The following AFMID variants were observed in gnomAD, a reference collection of about 807,000 sequenced individuals.
The protein encoded by AFMID is arylformamidase, also known as kynurenine formamidase.
Under a neutral mutation model 47.5 loss-of-function variants are expected in AFMID, and 39 were observed. The observed-to-expected ratio is 0.82, with a 90% CI of 0.64 to 1.07. The LOEUF is 1.07. Among genes scored for constraint, AFMID ranks in the 50% least tolerant of loss-of-function variants. The pLI is 0.00. For synonymous variants in AFMID, 130 were observed against 153.2 expected (o/e 0.85, Z 1.12); for missense variants, 375 against 387.5 (o/e 0.97, Z 0.27).
intron 2 of AFMID, among the ~76,000 whole-genome samples, chr17:78,201,101 A>G (rs1228128390): frequency 6.6e-6 from 1 of 151,656 alleles, no homozygotes; most frequent in Non-Finnish European, 1.5e-5. Context: ...GGTTCAAGTA[A>G]TCCTCCCACT....
At chr17:78,199,429 G>T (rs185267526) in intron 2 of AFMID, among the ~76,000 whole-genome samples, 2 of 150,372 alleles carry the variant, frequency 1.3e-5, no homozygotes, top group Admixed American at 1.3e-4. Context: ...AGGCTGGAGT[G>T]CAGTGGTGCA....
At chr17:78,202,958 G>A in intron 4 of AFMID, 1 of 626,016 alleles carries the variant, frequency 1.6e-6, no homozygotes, top group Non-Finnish European at 2.8e-6. Flanking sequence ...AGCTTCTGGT[G>A]GCCTTAGACA....
At chr17:78,188,524 A>G (rs189372012) in intron 1 of AFMID, among the ~76,000 whole-genome samples, 1 of 151,796 alleles carries the variant, frequency 6.6e-6, no homozygotes, top group African/African-American at 2.4e-5. Flanking sequence ...GGTTCAAGTG[A>G]TTCTCCTGCC....
At chr17:78,188,577 G>T (rs868782255) in intron 1 of AFMID, among the ~76,000 whole-genome samples, 87 of 150,218 alleles carry the variant, frequency 5.8e-4, no homozygotes, top group Middle Eastern at 6.9e-3. Context: ...ACTGTAGCTG[G>T]TACTACATGC....
chr17:78,197,331 GA>G, intron 2 of AFMID: 1 of 864,008 alleles, frequency 1.2e-6, no homozygotes, highest in South Asian at 1.7e-5. Flanking sequence ...CTACCCCTGA[GA>G]GTGCGTCCTA....
At chr17:78,195,392 G>A (rs1459441020) in intron 2 of AFMID, among the ~76,000 whole-genome samples, 2 of 148,526 alleles carry the variant, frequency 1.3e-5, no homozygotes, top group Non-Finnish European at 3.0e-5. Flanking sequence ...ACAGGGTTTC[G>A]CCATGTTGGC....
At position 78,206,052 on chromosome 17, in the gene AFMID, T is replaced by TG. The variant is rs772377886; in HGVS notation, c.885+6dup. 11 of 1,613,536 alleles carry TG rather than the reference T, an allele frequency of 6.8e-6. No homozygotes were observed. In the South Asian group the frequency reaches 1.2e-4, roughly 18 times the overall value. ...CAGAAGGACAACGTGCTCACCCAGG[T>TG]GGGGCCTCATCCCTGGCAGCCCTTT... is the stretch of plus-strand genomic sequence containing the variant. On this transcript the variant is annotated splice_region_variant and intron_variant, in intron 10 of 10. Transcript: ENST00000409257.
chr17:78,196,179 A>G (rs1457375587), intron 2 of AFMID, among the ~76,000 whole-genome samples: 2 of 152,146 alleles, frequency 1.3e-5, no homozygotes, highest in African/African-American at 4.8e-5. Flanking sequence ...AGCCTGGCCA[A>G]CATAGTGAAA....
chr17:78,200,073 C>T (rs372774358), intron 2 of AFMID, among the ~76,000 whole-genome samples: 1 of 152,056 alleles, frequency 6.6e-6, no homozygotes, highest in African/African-American at 2.4e-5. Flanking sequence ...ATGTCCAAAT[C>T]CTAACCCTGG....
In AFMID at chr17:78,206,035, C is replaced by T. The variant is rs757464741; in HGVS notation, c.870C>T (p.Asp290=). 5.9e-5 allele frequency: 96 copies of T among 1,614,026 alleles called. No individual in the cohort carries two copies. The highest frequency in any genetic ancestry group is 3.7e-4 in the Admixed American group (22 of 59,980). Reference sequence around the variant, plus strand: ...TTGTTGAGAATCTGACCCAGAAGGACAACGTGCTCACCCAGGTGGGGCCTC... The same window carrying T: ...TTGTTGAGAATCTGACCCAGAAGGATAACGTGCTCACCCAGGTGGGGCCTC... The part of the protein sequence containing the change: ...FEIVENLTQK[D]NVLTQIILKT... The change falls in exon 10 of 11, where the codon GAC becomes GAT. Residue 290 remains aspartate, a synonymous_variant. Transcript: ENST00000409257.
At chr17:78,190,286 C>T (rs1447621455) in intron 1 of AFMID, among the ~76,000 whole-genome samples, 2 of 152,160 alleles carry the variant, frequency 1.3e-5, no homozygotes, top group East Asian at 3.8e-4. Flanking sequence ...ATAGGGCCTG[C>T]CAGCATTTGC....
chr17:78,202,636 T>C (rs747711389), intron 3 of AFMID, 33 bp downstream of exon 3: 11 of 1,588,682 alleles, frequency 6.9e-6, no homozygotes, highest in Non-Finnish European at 9.4e-6. Context: ...GTCCCGGGGC[T>C]TGGGGGTCCA....
chr17:78,205,947 C>T lies in AFMID; in HGVS notation c.782C>T (p.Thr261Ile), dbSNP rs201075017. The T allele has an allele frequency of 5.0e-6, 8 of 1,613,968 alleles. No homozygotes were observed. The highest frequency in any genetic ancestry group is 6.8e-6 in the Non-Finnish European group (8 of 1,179,932). The change falls in exon 10 of 11, where the codon ACC (threonine) becomes ATC (isoleucine). Residue 261 changes from threonine to isoleucine, a missense_variant and splice_region_variant. By Grantham distance (89) the Thr-to-Ile change is moderately conservative. Transcript: ENST00000409257. Reference protein sequence around the residue: ...FHRQSWEFYQTLCQGEWKASF... With the variant: ...FHRQSWEFYQILCQGEWKASF... ...TCTTCCCATGTCTCCCCTGCCCAGA[C>T]CCTGTGTCAAGGAGAGTGGAAAGCC...
rs1226496195 is a variant in AFMID at position 78,201,966 on chromosome 17, G to A, written c.155-533G>A. 3.3e-5 allele frequency among the ~76,000 whole-genome samples: 5 copies of A among 151,536 alleles called. No homozygotes were observed. In the South Asian group the frequency reaches 1.0e-3, roughly 32 times the overall value. ...AGGGTGGTCTCGATCTCCTGACCTC[G>A]TGATCCACCCGCCTCGGCCTCCCAG... On this transcript the variant is annotated intron_variant, in intron 2 of 10. Coordinates refer to ENST00000409257, the MANE Select transcript of AFMID (RefSeq NM_001010982.5).
chr17:78,205,087 T>G lies in AFMID; in HGVS notation c.468-6T>G. 6.2e-7 allele frequency: 1 copy of G among 1,607,552 alleles called. No homozygotes were observed. Among genetic ancestry groups the G allele is most frequent in the Non-Finnish European group, 8.5e-7 (1 of 1,176,948 alleles). ...AAATCCAGCTCTCTGCTCTGACCCCTCCCAGGGGAATTTACCTGTGTGGAC... is the reference window on the plus strand; with the variant it reads ...AAATCCAGCTCTCTGCTCTGACCCCGCCCAGGGGAATTTACCTGTGTGGAC... On this transcript the variant is annotated splice_region_variant and splice_polypyrimidine_tract_variant and intron_variant, in intron 6 of 10. Coordinates refer to ENST00000409257, the MANE Select transcript of AFMID (RefSeq NM_001010982.5).
intron 2 of AFMID, among the ~76,000 whole-genome samples, chr17:78,196,319 T>G (rs2076112895): frequency 6.6e-6 from 1 of 152,072 alleles, no homozygotes; most frequent in East Asian, 1.9e-4. Flanking sequence ...GAGCAAAGAT[T>G]GCACCACTGC....
At chr17:78,190,688 C>T (rs2075941404) in intron 1 of AFMID, 1 of 355,326 alleles carries the variant, frequency 2.8e-6, no homozygotes, top group East Asian at 5.5e-5. Context: ...CACCGGGCCA[C>T]CTGGCCTCCC....
At chr17:78,188,440 GAC>G (rs1280223878) in intron 1 of AFMID, among the ~76,000 whole-genome samples, 2 of 152,078 alleles carry the variant, frequency 1.3e-5, no homozygotes, top group African/African-American at 4.8e-5. Context: ...CTTTTTTTGA[GAC>G]ACAGTCTCGC....
intron 1 of AFMID, among the ~76,000 whole-genome samples, chr17:78,187,786 T>C (rs2075837342): frequency 6.6e-6 from 1 of 151,874 alleles, no homozygotes; most frequent in South Asian, 2.1e-4. Context: ...ACCCCGTTTC[T>C]ACTAAAAATA....
Sources: allele counts gnomAD v4.1 joint callset (sites outside exome capture counted in the v4.1 genomes callset), GRCh38; gene constraint gnomAD v4.1.1; transcripts MANE v1.5; gene names NCBI Gene and HGNC (gene_info 2026-07-23, HGNC 2026-07-21).